GLIS3: variants seen among roughly 807,000 people sequenced by gnomAD.
GLIS3 encodes GLIS family zinc finger 3.
GLIS3 carries 53 observed loss-of-function variants against 78.6 expected under a neutral mutation model. That is an observed-to-expected ratio of 0.67 (90% CI 0.54 to 0.85). The LOEUF is 0.85. GLIS3 is among the 40% of genes least tolerant of loss of function. The probability of loss-of-function intolerance (pLI) is 0.00; values close to 1 mark genes in which losing one functional copy is unlikely to be tolerated. For missense variants in GLIS3, 1,703 were observed against 1,231.1 expected, an observed-to-expected ratio of 1.38 and a Z score of -5.74; for synonymous variants, 684 against 509.9, an observed-to-expected ratio of 1.34 and a Z score of -4.60.
chr9:4,154,656 C>A (rs535876699), intron 2 of GLIS3, among the ~76,000 whole-genome samples: 6 of 152,040 alleles, frequency 3.9e-5, no homozygotes, highest in East Asian at 3.9e-4. Flanking sequence ...AACCAATTCA[C>A]AAAATAATCT....
chr9:4,485,197 T>G, the GLIS3 span, among the ~76,000 whole-genome samples: 1 of 151,940 alleles, frequency 6.6e-6, no homozygotes, highest in Non-Finnish European at 1.5e-5. Context: ...GTATTTTTAG[T>G]AGAGACAGGG....
chr9:4,148,201 C>A (rs891805477), intron 2 of GLIS3, among the ~76,000 whole-genome samples: 3 of 152,102 alleles, frequency 2.0e-5, no homozygotes, highest in Admixed American at 2.0e-4. Context: ...AAAATAGCTT[C>A]AGGAAAACTC....
chr9:4,466,842 T>C, the GLIS3 span, among the ~76,000 whole-genome samples: 2,325 of 152,294 alleles, frequency 0.015, 58 homozygotes, highest in African/African-American at 0.053. Flanking sequence ...CATCGCCTCA[T>C]CCAGGAAGTG....
At chr9:3,872,840 TAAAC>T (rs944285812) in intron 8 of GLIS3, among the ~76,000 whole-genome samples, 17 of 151,610 alleles carry the variant, frequency 1.1e-4, no homozygotes, top group South Asian at 2.1e-4. Context: ...AGATTACAAA[TAAAC>T]AATCTAAAAA....
chr9:4,169,069 G>C (rs961475408), intron 2 of GLIS3, among the ~76,000 whole-genome samples: 1 of 152,130 alleles, frequency 6.6e-6, no homozygotes, highest in African/African-American at 2.4e-5. Flanking sequence ...AGGAAGATGG[G>C]AGAGGTGATT....
rs575364253 is a variant in GLIS3 at position 4,054,677 on chromosome 9, A to AC, written c.1710+63090dup. On this transcript the variant is annotated intron_variant, in intron 4 of 10. Transcript: ENST00000381971. ...TCCTATAAAACTGTGCTGTTTCTCA[A>AC]CAAAAAAAAAGTAATAGCACATTGC... is the stretch of plus-strand genomic sequence containing the variant. Among the ~76,000 whole-genome samples the AC allele has an allele frequency of 1.9e-3, 283 of 150,500 alleles. 1 individual carries two copies. Among genetic ancestry groups the AC allele is most frequent in the African/African-American group, 6.8e-3 (274 of 40,104 alleles).
chr9:3,978,055 A>C (rs1374279112), intron 4 of GLIS3, among the ~76,000 whole-genome samples: 1 of 152,224 alleles, frequency 6.6e-6, no homozygotes, highest in East Asian at 1.9e-4. Flanking sequence ...CTTTCTCATG[A>C]AAAGCTCCCA....
At chr9:4,194,697 G>C (rs562652914) in intron 2 of GLIS3, among the ~76,000 whole-genome samples, 4 of 152,302 alleles carry the variant, frequency 2.6e-5, no homozygotes, top group African/African-American at 9.6e-5. Flanking sequence ...GCTGATAAAA[G>C]TGAGTGAAGC....
intron 2 of GLIS3, among the ~76,000 whole-genome samples, chr9:4,241,330 G>A (rs1823289889): frequency 6.6e-6 from 1 of 152,190 alleles, no homozygotes; most frequent in South Asian, 2.1e-4. Context: ...ATACAAGGCA[G>A]AGAGGTTGAT....
intron 4 of GLIS3, among the ~76,000 whole-genome samples, chr9:3,953,694 A>C (rs1466406692): frequency 2.6e-5 from 4 of 151,542 alleles, no homozygotes; most frequent in Non-Finnish European, 5.9e-5. Flanking sequence ...ATTTTTGATA[A>C]CAATTCTTTT....
rs772061166 is a variant in GLIS3, at chr9:4,118,226, G to A, written c.1252C>T (p.Pro418Ser). Residue 418 changes from proline (P) to serine (S), a missense_variant, in exon 4 of 11, where the codon CCG becomes TCG. Physicochemically the swap from Pro to Ser is moderately conservative, Grantham distance 74. Transcript: ENST00000381971. This position sits in a 1 kb window ranked among gnomAD's most constrained non-coding sequence, Gnocchi z 4.7. ...VNHMVVQHGL[P>S]GPDSQSAGLF... is the part of the protein sequence containing the mutation. ...CCGGCCGACTGGCTGTCGGGGCCCG[G>A]CAGGCCATGCTGCACCACCATGTGG... is the stretch of plus-strand genomic sequence containing the variant. 52 of 1,585,844 alleles carry A rather than the reference G, an allele frequency of 3.3e-5. 1 individual carries two copies. The South Asian group carries it at 5.0e-4, about 15-fold the overall frequency.
chr9:4,444,068 G>A, the GLIS3 span, among the ~76,000 whole-genome samples: 1 of 152,140 alleles, frequency 6.6e-6, no homozygotes, highest in Non-Finnish European at 1.5e-5. Context: ...TGGGACCATG[G>A]TCAAGAGAAG....
At chr9:4,055,890 G>T (rs1016713889) in intron 4 of GLIS3, among the ~76,000 whole-genome samples, 8 of 152,174 alleles carry the variant, frequency 5.3e-5, no homozygotes, top group African/African-American at 4.8e-5. Flanking sequence ...AAATTGGGTT[G>T]AATGAACATC....
chr9:4,223,533 C>T (rs1307377450), intron 2 of GLIS3, among the ~76,000 whole-genome samples: 1 of 151,524 alleles, frequency 6.6e-6, no homozygotes, highest in Non-Finnish European at 1.5e-5. Context: ...AACCTGGGTC[C>T]CCTGTTTATT....
chr9:4,465,351 C>G, the GLIS3 span, among the ~76,000 whole-genome samples: 3 of 152,212 alleles, frequency 2.0e-5, no homozygotes, highest in Non-Finnish European at 4.4e-5. Flanking sequence ...AGTTCGAGAC[C>G]AGCCTGGCCA....
At chr9:3,887,795 T>C (rs1563814355) in intron 7 of GLIS3, among the ~76,000 whole-genome samples, 3 of 152,362 alleles carry the variant, frequency 2.0e-5, no homozygotes, top group South Asian at 4.1e-4. Flanking sequence ...GGAAAAGCTC[T>C]GGAAACATCT....
At chr9:4,287,826 C>G (rs1410247566) in intron 1 of GLIS3, among the ~76,000 whole-genome samples, 2 of 152,228 alleles carry the variant, frequency 1.3e-5, no homozygotes, top group African/African-American at 4.8e-5. Flanking sequence ...AATTTTAACT[C>G]AAGCACTCAC....
chr9:4,195,894 A>G (rs886383015), intron 2 of GLIS3, among the ~76,000 whole-genome samples: 3 of 152,218 alleles, frequency 2.0e-5, no homozygotes, highest in African/African-American at 4.8e-5. Context: ...ATGTCTAGCT[A>G]GAGGATTGTA....
At chr9:4,475,913 T>A in the GLIS3 span, among the ~76,000 whole-genome samples, 34 of 152,172 alleles carry the variant, frequency 2.2e-4, no homozygotes, top group South Asian at 6.2e-4. Context: ...CTTGTTTGTC[T>A]GTTTTATTTT....
Sources: allele counts gnomAD v4.1 joint callset (sites outside exome capture counted in the v4.1 genomes callset), GRCh38; gene constraint gnomAD v4.1.1; non-coding constraint Gnocchi (gnomAD v3.1); transcripts MANE v1.5; gene names NCBI Gene and HGNC (gene_info 2026-07-23, HGNC 2026-07-21).